CPVL: variants seen among roughly 807,000 people sequenced by gnomAD.
The protein encoded by CPVL is probable serine carboxypeptidase CPVL.
A neutral mutation model predicts 63.7 loss-of-function variants in CPVL; 51 were observed. The observed-to-expected ratio is 0.80, with a 90% confidence interval of 0.64 to 1.01. CPVL has a LOEUF of 1.01. Ranked by LOEUF, CPVL falls within the 50% of genes least tolerant of loss-of-function variation. The pLI, the probability that CPVL is intolerant of heterozygous loss-of-function variation, is 0.00. For synonymous variants in CPVL, 195 were observed against 206.0 expected, an observed-to-expected ratio of 0.95 and a Z score of 0.46; for missense variants, 530 against 573.1, an observed-to-expected ratio of 0.92 and a Z score of 0.77.
chr7:29,156,743 C>T (rs1470942183), intron 5 of CPVL, among the ~76,000 whole-genome samples: 4 of 152,166 alleles, frequency 2.6e-5, no homozygotes, highest in Admixed American at 2.0e-4. Flanking sequence ...CTTACACAAG[C>T]ATTATGCTAA....
intron 12 of CPVL, among the ~76,000 whole-genome samples, chr7:29,021,281 A>G (rs1786945342): frequency 6.6e-6 from 1 of 152,202 alleles, no homozygotes; most frequent in Non-Finnish European, 1.5e-5. Context: ...ATGAAGAAAC[A>G]GAAAAGGTAA....
At chr7:29,107,690 G>A (rs1378043396) in intron 3 of CPVL, among the ~76,000 whole-genome samples, 1 of 152,200 alleles carries the variant, frequency 6.6e-6, no homozygotes, top group East Asian at 1.9e-4. Context: ...TCTCTGCTGG[G>A]TGCAGCTAGA....
chr7:29,047,237 A>G (rs1789713625), intron 11 of CPVL, among the ~76,000 whole-genome samples: 1 of 152,226 alleles, frequency 6.6e-6, no homozygotes, highest in Non-Finnish European at 1.5e-5. Context: ...CATTTGCATT[A>G]GAAACCATGC....
At chr7:29,043,221 C>T (rs1789292156) in intron 11 of CPVL, among the ~76,000 whole-genome samples, 1 of 142,690 alleles carries the variant, frequency 7.0e-6, no homozygotes, top group South Asian at 2.4e-4. Context: ...CCTGGTTACA[C>T]AGCTTACTTT....
intron 7 of CPVL, among the ~76,000 whole-genome samples, chr7:29,085,972 G>C (rs780400069): frequency 6.6e-5 from 10 of 152,168 alleles, no homozygotes; most frequent in Non-Finnish European, 1.0e-4. Flanking sequence ...TAATATGTGA[G>C]CATGCATTGG....
chr7:29,177,743 C>T (rs888386675), intron 5 of CPVL, among the ~76,000 whole-genome samples: 1 of 152,082 alleles, frequency 6.6e-6, no homozygotes, highest in African/African-American at 2.4e-5. Context: ...TACCCCAACC[C>T]TCTTTACTTC....
chr7:29,016,844 C>T (rs887559923), intron 12 of CPVL, among the ~76,000 whole-genome samples: 1 of 152,294 alleles, frequency 6.6e-6, no homozygotes, highest in South Asian at 2.1e-4. Flanking sequence ...TTATTCCCCA[C>T]GACCTCTATT....
chr7:29,034,047 T>C (rs905842843), intron 11 of CPVL, among the ~76,000 whole-genome samples: 26 of 152,220 alleles, frequency 1.7e-4, no homozygotes, highest in Admixed American at 6.5e-4. Context: ...TTATTTTAGA[T>C]TGGCTATCTT....
chr7:29,152,900 C>A (rs536013012), intron 5 of CPVL, among the ~76,000 whole-genome samples: 1 of 152,248 alleles, frequency 6.6e-6, no homozygotes, highest in Non-Finnish European at 1.5e-5. Context: ...CCTCAGAATT[C>A]TTTGCCCAAA....
chr7:29,056,886 G>C (rs936132734), intron 11 of CPVL, among the ~76,000 whole-genome samples: 3 of 151,112 alleles, frequency 2.0e-5, no homozygotes, highest in Non-Finnish European at 4.4e-5. Context: ...TCTGGAAGTG[G>C]TATCTCATGG....
chr7:29,046,588 CACACAT>C (rs1789640441), intron 11 of CPVL, among the ~76,000 whole-genome samples: 1 of 152,008 alleles, frequency 6.6e-6, no homozygotes, highest in African/African-American at 2.4e-5. Flanking sequence ...CACACACACA[CACACAT>C]ACTCATACAC....
chr7:29,095,643 G>A (rs551094179), intron 4 of CPVL, among the ~76,000 whole-genome samples: 37 of 151,250 alleles, frequency 2.4e-4, no homozygotes, highest in South Asian at 6.3e-4. Flanking sequence ...GTGACAGCCA[G>A]ATGTTGCTCT....
chr7:29,192,049 A>C (rs1448295054), intron 1 of CPVL: 3 of 152,240 alleles, frequency 2.0e-5, no homozygotes, highest in Non-Finnish European at 4.4e-5. Flanking sequence ...ATCAACTTTC[A>C]GATTTTAGTT....
chr7:29,173,896 G>A (rs187058907), intron 5 of CPVL, among the ~76,000 whole-genome samples: 2 of 151,138 alleles, frequency 1.3e-5, no homozygotes, highest in Admixed American at 1.3e-4. Context: ...AGGCTGCAGT[G>A]AGCTGAGATC....
At chr7:29,071,651 GAAT>G in intron 9 of CPVL, 119 bp downstream of exon 9, 2 of 1,066,958 alleles carry the variant, frequency 1.9e-6, no homozygotes, top group Non-Finnish European at 2.7e-6. Flanking sequence ...ATCTCCAATG[GAAT>G]AACAGATATA....
intron 1 of CPVL, among the ~76,000 whole-genome samples, chr7:29,145,167 T>C (rs912959057): frequency 2.0e-5 from 3 of 151,940 alleles, no homozygotes; most frequent in African/African-American, 7.3e-5. Flanking sequence ...ATTCTCCTTT[T>C]GGACAACTTT....
chr7:29,035,442 T>A (rs1409209223), intron 11 of CPVL, among the ~76,000 whole-genome samples: 2 of 152,222 alleles, frequency 1.3e-5, no homozygotes, highest in African/African-American at 4.8e-5. Flanking sequence ...TAGTTGCATA[T>A]GAGACACAGT....
intron 7 of CPVL, among the ~76,000 whole-genome samples, chr7:29,075,600 C>A (rs1784166155): frequency 6.7e-6 from 1 of 149,416 alleles, no homozygotes; most frequent in African/African-American, 2.5e-5. Context: ...CAAGGTGGAA[C>A]TACATCTTGG....
intron 3 of CPVL, among the ~76,000 whole-genome samples, chr7:29,109,302 C>A (rs1369397169): frequency 6.6e-6 from 1 of 152,160 alleles, no homozygotes; most frequent in African/African-American, 2.4e-5. Context: ...GAAAACAAAA[C>A]TAATTTAAGA....
Sources: gnomAD v4.1 joint callset for allele counts (sites outside exome capture counted in the v4.1 genomes callset) on GRCh38, gnomAD v4.1.1 for gene constraint, MANE v1.5 for transcripts, NCBI Gene and HGNC (gene_info 2026-07-23, HGNC 2026-07-21) for gene names.